The following PTPRM variants were observed in gnomAD, a reference collection of about 807,000 sequenced individuals.
PTPRM encodes the protein receptor-type tyrosine-protein phosphatase mu.
In PTPRM, 47 loss-of-function variants were observed where a neutral mutation model predicts 186.7. The observed-to-expected ratio is 0.25, with a 90% confidence interval of 0.20 to 0.32. PTPRM has a LOEUF of 0.32. PTPRM is among the 10% of genes least tolerant of loss of function. The pLI is 1.00. For missense variants in PTPRM, 1,494 were observed against 1,865.0 expected (o/e 0.80, Z 3.66); for synonymous variants, 668 against 674.9 (o/e 0.99, Z 0.16).
In PTPRM at chr18:8,261,976, G is replaced by C. The variant is rs143514937; in HGVS notation, c.2754+8562G>C. Among the ~76,000 whole-genome samples, 344 of 152,160 alleles carry C rather than the reference G, an allele frequency of 2.3e-3. 4 individuals carry two copies. The Middle Eastern group carries it at 0.037, about 17-fold the overall frequency. Reference sequence around the variant, plus strand: ...ACCTGGCCCAGAAAGGATAGTGAACGTGCCCGTGTGCCAGCATCTGCGGAC... The same window carrying C: ...ACCTGGCCCAGAAAGGATAGTGAACCTGCCCGTGTGCCAGCATCTGCGGAC... On this transcript the variant is annotated intron_variant, in intron 19 of 32. Transcript: ENST00000580170.
intron 2 of PTPRM, among the ~76,000 whole-genome samples, chr18:7,832,224 C>A (rs921118028): frequency 6.6e-6 from 1 of 152,198 alleles, no homozygotes; most frequent in South Asian, 2.1e-4. Context: ...AGTGCTAGTA[C>A]TAATTTACAT....
At chr18:7,583,208 C>T (rs527512938) in intron 1 of PTPRM, among the ~76,000 whole-genome samples, 12 of 152,300 alleles carry the variant, frequency 7.9e-5, no homozygotes, top group Admixed American at 2.6e-4. Context: ...ACCATTTCTC[C>T]TGGTTTCCTA....
At chr18:7,912,180 A>G (rs893867991) in intron 4 of PTPRM, among the ~76,000 whole-genome samples, 1 of 152,192 alleles carries the variant, frequency 6.6e-6, no homozygotes, top group Admixed American at 6.5e-5. Context: ...TTACAGGTCT[A>G]TGAGCTATTT....
At chr18:7,973,121 A>C (rs2147331125) in intron 7 of PTPRM, among the ~76,000 whole-genome samples, 1 of 152,226 alleles carries the variant, frequency 6.6e-6, no homozygotes, top group Admixed American at 6.5e-5. Flanking sequence ...GGATGACCTA[A>C]TTTATTTAGC....
chr18:8,193,972 G>A (rs2093741982), intron 14 of PTPRM, among the ~76,000 whole-genome samples: 1 of 152,224 alleles, frequency 6.6e-6, no homozygotes, highest in African/African-American at 2.4e-5. Context: ...TGACATGGCT[G>A]ATTTGGGTTG....
chr18:7,624,242 A>T (rs980119003), intron 1 of PTPRM, among the ~76,000 whole-genome samples: 1 of 152,012 alleles, frequency 6.6e-6, no homozygotes, highest in East Asian at 1.9e-4. Flanking sequence ...TGTTCTTTCC[A>T]CTGTGCTTGA....
At chr18:8,322,917 T>C (rs2095354487) in intron 22 of PTPRM, among the ~76,000 whole-genome samples, 1 of 152,286 alleles carries the variant, frequency 6.6e-6, no homozygotes, top group Middle Eastern at 3.4e-3. Flanking sequence ...ACTCCTGGGC[T>C]CATGTAATTC....
intron 1 of PTPRM, among the ~76,000 whole-genome samples, chr18:7,725,847 G>A (rs59571167): frequency 0.034 from 5,233 of 152,200 alleles, 317 homozygotes; most frequent in African/African-American, 0.12. Context: ...CCTTCTGGAC[G>A]CCAGAGAAGA....
chr18:7,999,989 G>C (rs2083771120), intron 7 of PTPRM, among the ~76,000 whole-genome samples: 1 of 152,142 alleles, frequency 6.6e-6, no homozygotes, highest in Non-Finnish European at 1.5e-5. Flanking sequence ...CTGAAGGCCA[G>C]GAAAACAAAA....
chr18:7,827,844 G>A (rs2045565266), intron 2 of PTPRM, among the ~76,000 whole-genome samples: 1 of 152,200 alleles, frequency 6.6e-6, no homozygotes, highest in Admixed American at 6.5e-5. Context: ...TCTCACAACT[G>A]TGGGCGTGAT....
intron 7 of PTPRM, among the ~76,000 whole-genome samples, chr18:8,044,452 C>T (rs769189418): frequency 1.1e-4 from 17 of 152,050 alleles, no homozygotes; most frequent in Admixed American, 2.0e-4. Context: ...GGATTCACTA[C>T]GCAGTTGCAG....
chr18:8,341,576 G>A (rs1217582576), intron 22 of PTPRM, among the ~76,000 whole-genome samples: 1 of 152,152 alleles, frequency 6.6e-6, no homozygotes, highest in Non-Finnish European at 1.5e-5. Flanking sequence ...GCAGGCACAA[G>A]CTGTCCATGA....
intron 11 of PTPRM, among the ~76,000 whole-genome samples, chr18:8,089,327 AT>A (rs1344182734): frequency 6.6e-6 from 1 of 152,210 alleles, no homozygotes; most frequent in Non-Finnish European, 1.5e-5. Flanking sequence ...ATAACAGATT[AT>A]TGGAAAGAAC....
intron 1 of PTPRM, among the ~76,000 whole-genome samples, chr18:7,771,074 G>C (rs2042249436): frequency 6.6e-6 from 1 of 152,114 alleles, no homozygotes; most frequent in Non-Finnish European, 1.5e-5. Context: ...TAGTCTTCTG[G>C]GTTTGCTCTC....
At chr18:7,730,212 G>A (rs2040629951) in intron 1 of PTPRM, among the ~76,000 whole-genome samples, 1 of 151,954 alleles carries the variant, frequency 6.6e-6, no homozygotes, top group African/African-American at 2.4e-5. Flanking sequence ...GTCACCATAG[G>A]ATGATTGATG....
intron 4 of PTPRM, among the ~76,000 whole-genome samples, chr18:7,923,264 G>A (rs1448356733): frequency 6.6e-6 from 1 of 152,182 alleles, no homozygotes; most frequent in East Asian, 1.9e-4. Flanking sequence ...GTAGCTGGGG[G>A]AGAGCAGGAT....
At chr18:8,041,312 T>G (rs372062826) in intron 7 of PTPRM, among the ~76,000 whole-genome samples, 20 of 152,208 alleles carry the variant, frequency 1.3e-4, no homozygotes, top group African/African-American at 4.6e-4. Flanking sequence ...ATGGATTGGA[T>G]TAAATAGTGC....
chr18:8,174,070 A>G (rs1372157801), intron 14 of PTPRM, among the ~76,000 whole-genome samples: 1 of 152,064 alleles, frequency 6.6e-6, no homozygotes, highest in African/African-American at 2.4e-5. Context: ...TGTCTCAAAA[A>G]AAAAAAAAAG....
intron 2 of PTPRM, among the ~76,000 whole-genome samples, chr18:7,837,418 T>G (rs896390980): frequency 1.3e-5 from 2 of 152,240 alleles, no homozygotes; most frequent in African/African-American, 4.8e-5. Flanking sequence ...ATTCCTTCTC[T>G]GTGTTATCTT....
Sources: allele counts gnomAD v4.1 joint callset (sites outside exome capture counted in the v4.1 genomes callset), GRCh38; gene constraint gnomAD v4.1.1; transcripts MANE v1.5; gene names NCBI Gene and HGNC (gene_info 2026-07-23, HGNC 2026-07-21).